PARN: variants seen among roughly 807,000 people sequenced by gnomAD.
PARN encodes poly(A)-specific ribonuclease.
PARN carries 71 observed loss-of-function variants against 102.8 expected under a neutral mutation model. The ratio of observed to expected loss-of-function variants is 0.69; its 90% CI spans 0.57 to 0.84. The LOEUF (loss-of-function observed/expected upper bound fraction) is 0.84. PARN is among the 40% of genes least tolerant of loss of function. The pLI, the probability that PARN is intolerant of heterozygous loss-of-function variation, is 0.00. For missense variants in PARN, 782 were observed against 760.9 expected (o/e 1.03, Z -0.33); for synonymous variants, 261 against 252.9 (o/e 1.03, Z -0.30).
intron 20 of PARN, among the ~76,000 whole-genome samples, chr16:14,553,313 A>G (rs1430023026): frequency 6.6e-6 from 1 of 151,788 alleles, no homozygotes; most frequent in Non-Finnish European, 1.5e-5. Context: ...AGTTACATGG[A>G]AAGCCTACTT....
intron 18 of PARN, chr16:14,576,313 G>A (rs573218987): frequency 2.0e-5 from 3 of 152,204 alleles, no homozygotes; most frequent in Admixed American, 2.0e-4. Flanking sequence ...GTCCTGTAGA[G>A]TAAACTGCAG....
chr16:14,447,519 A>G (rs943034871), intron 22 of PARN, among the ~76,000 whole-genome samples: 1 of 152,252 alleles, frequency 6.6e-6, no homozygotes, highest in African/African-American at 2.4e-5. Flanking sequence ...GAATTCTTCA[A>G]TCAGTCTGCT....
intron 22 of PARN, among the ~76,000 whole-genome samples, chr16:14,479,763 A>G (rs1350549920): frequency 6.6e-6 from 1 of 152,182 alleles, no homozygotes. Context: ...ATGAAGGAAG[A>G]AAACTCTTTT....
chr16:14,441,570 C>T (rs1247089807), intron 23 of PARN, among the ~76,000 whole-genome samples: 2 of 152,134 alleles, frequency 1.3e-5, no homozygotes, highest in African/African-American at 4.8e-5. Context: ...GCCCTGGGGC[C>T]GGTTTCCCAC....
At chr16:14,495,766 G>GC (rs1370374188) in intron 21 of PARN, among the ~76,000 whole-genome samples, 7 of 152,200 alleles carry the variant, frequency 4.6e-5, no homozygotes, top group African/African-American at 7.2e-5. Flanking sequence ...GTAGCACAAG[G>GC]CCCCTGAGAA....
At chr16:14,587,382 AG>A (rs1969925319) in intron 13 of PARN, among the ~76,000 whole-genome samples, 1 of 152,252 alleles carries the variant, frequency 6.6e-6, no homozygotes, top group Non-Finnish European at 1.5e-5. Flanking sequence ...GTCTTCTAAA[AG>A]GTCATGCTCA....
At chr16:14,467,244 T>C (rs575714824) in intron 22 of PARN, among the ~76,000 whole-genome samples, 1 of 152,310 alleles carries the variant, frequency 6.6e-6, no homozygotes, top group South Asian at 2.1e-4. Flanking sequence ...CAGGGTATGA[T>C]GGCATTACCA....
At chr16:14,623,800 GC>G (rs1016803647) in intron 5 of PARN, among the ~76,000 whole-genome samples, 10 of 149,010 alleles carry the variant, frequency 6.7e-5, no homozygotes, top group Non-Finnish European at 1.3e-4. Flanking sequence ...TCACACCACT[GC>G]ACTCCAGCCT....
At chr16:14,562,251 C>G (rs1293378843) in intron 18 of PARN, among the ~76,000 whole-genome samples, 1 of 151,766 alleles carries the variant, frequency 6.6e-6, no homozygotes, top group African/African-American at 2.4e-5. Context: ...CCAAGGCAGG[C>G]AGATCAGAGT....
At chr16:14,586,743 A>G (rs891229683) in intron 13 of PARN, among the ~76,000 whole-genome samples, 13 of 152,342 alleles carry the variant, frequency 8.5e-5, no homozygotes, top group South Asian at 2.1e-4. Flanking sequence ...CAAATTTATC[A>G]TAACAGTGAG....
intron 21 of PARN, among the ~76,000 whole-genome samples, chr16:14,505,836 A>G (rs1215435482): frequency 1.3e-5 from 2 of 152,232 alleles, no homozygotes; most frequent in Non-Finnish European, 2.9e-5. Context: ...ATCCTTGCAC[A>G]AAGAGGTCAC....
At chr16:14,452,247 T>G (rs2151563195) in intron 22 of PARN, among the ~76,000 whole-genome samples, 1 of 152,342 alleles carries the variant, frequency 6.6e-6, no homozygotes. Context: ...GTAATGCTCC[T>G]CTCCATAAAC....
intron 18 of PARN, among the ~76,000 whole-genome samples, chr16:14,576,895 TATC>T (rs1414879723): frequency 6.6e-6 from 1 of 152,238 alleles, no homozygotes; most frequent in Non-Finnish European, 1.5e-5. Flanking sequence ...AAACACCTCA[TATC>T]ACATTCAGTC....
intron 18 of PARN, among the ~76,000 whole-genome samples, chr16:14,560,836 A>G (rs1223365626): frequency 6.6e-6 from 1 of 152,212 alleles, no homozygotes; most frequent in Non-Finnish European, 1.5e-5. Context: ...ACTCACAAAA[A>G]GCCACCCTCC....
chr16:14,539,911 T>C (rs1051214076), intron 21 of PARN, among the ~76,000 whole-genome samples: 1 of 152,144 alleles, frequency 6.6e-6, no homozygotes, highest in African/African-American at 2.4e-5. Context: ...TCCTAAACAA[T>C]ATACAATATA....
intron 21 of PARN, among the ~76,000 whole-genome samples, chr16:14,531,628 G>A (rs921076188): frequency 1.3e-5 from 2 of 152,068 alleles, no homozygotes; most frequent in Admixed American, 6.5e-5. Flanking sequence ...AAAATACATA[G>A]AAACTGTTTG....
chr16:14,485,290 A>G (rs1304998784), intron 21 of PARN, among the ~76,000 whole-genome samples: 1 of 152,210 alleles, frequency 6.6e-6, no homozygotes, highest in South Asian at 2.1e-4. Flanking sequence ...TCTTACTTTG[A>G]ATGTGTCATA....
intron 22 of PARN, among the ~76,000 whole-genome samples, chr16:14,451,869 C>CAAAAAAAAAAAAAAAAAAAAAAAAATA (rs869041563): frequency 1.9e-5 from 1 of 52,498 alleles, no homozygotes; most frequent in Non-Finnish European, 3.2e-5. Flanking sequence ...AAAAAAAATA[C>CAAAAAAAAAAAAAAAAAAAAAAAAATA]AAAAAAAAAA....
At chr16:14,595,989 C>A (rs1400637624) in intron 12 of PARN, among the ~76,000 whole-genome samples, 2 of 152,168 alleles carry the variant, frequency 1.3e-5, no homozygotes, top group African/African-American at 2.4e-5. Context: ...TAGATCCACA[C>A]ACACATACAT....
Sources: gnomAD v4.1 joint callset for allele counts (sites outside exome capture counted in the v4.1 genomes callset) on GRCh38, gnomAD v4.1.1 for gene constraint, MANE v1.5 for transcripts, NCBI Gene and HGNC (gene_info 2026-07-23, HGNC 2026-07-21) for gene names.